SCFD2: variants seen among roughly 807,000 people sequenced by gnomAD.
SCFD2 encodes the protein sec1 family domain containing 2.
Under a neutral mutation model 58.9 loss-of-function variants are expected in SCFD2, and 54 were observed. That is an observed-to-expected ratio of 0.92 (90% CI 0.74 to 1.15). SCFD2 has a LOEUF of 1.15. SCFD2 is among the 50% of genes most tolerant of loss of function. The pLI, the probability that SCFD2 is intolerant of heterozygous loss-of-function variation, is 0.00. For missense variants in SCFD2, 805 were observed against 836.6 expected (o/e 0.96, Z 0.47); for synonymous variants, 321 against 335.9 (o/e 0.96, Z 0.49).
chr4:53,015,939 T>C (rs779127665), intron 5 of SCFD2, among the ~76,000 whole-genome samples: 4 of 152,176 alleles, frequency 2.6e-5, no homozygotes, highest in Non-Finnish European at 5.9e-5. Context: ...AGGCAGATGT[T>C]TGTCCTGTAC....
intron 4 of SCFD2, among the ~76,000 whole-genome samples, chr4:53,246,188 A>T (rs34690074): frequency 0.45 from 68,699 of 151,972 alleles, 16,548 homozygotes; most frequent in Admixed American, 0.53. Flanking sequence ...GCTCAAAAAA[A>T]TCAGAGATGG....
At chr4:53,359,341 G>A (rs1461016434) in intron 1 of SCFD2, among the ~76,000 whole-genome samples, 10 of 152,062 alleles carry the variant, frequency 6.6e-5, no homozygotes, top group African/African-American at 1.4e-4. Flanking sequence ...ATAAATTAAC[G>A]TCTAAATCAA....
chr4:53,240,722 A>G (rs2149024775), intron 4 of SCFD2, among the ~76,000 whole-genome samples: 1 of 152,396 alleles, frequency 6.6e-6, no homozygotes, highest in East Asian at 1.9e-4. Flanking sequence ...ACAAGTTAAG[A>G]AATAAAGCAA....
chr4:53,365,926 C>T lies in SCFD2; in HGVS notation c.16G>A (p.Val6Ile), dbSNP rs771691386. 5 of 1,538,944 alleles carry T rather than the reference C, an allele frequency of 3.2e-6. No homozygotes were observed. Among genetic ancestry groups the T allele is most frequent in the South Asian group, 2.4e-5 (2 of 82,634 alleles). MSASG[V>I]LSFTQQGWEQ... ...CATCCTTGCTGGGTAAAGGACAGTA[C>T]GCCCGAGGCGCTCATGGTTGGGGAT... Residue 6 changes from valine to isoleucine, a missense_variant, in exon 1 of 9, where the codon GTA becomes ATA. This residue lies in a region of SCFD2 where 155 missense variants were observed against 149.7 expected (regional missense o/e 1.04). Transcript: ENST00000401642. This position sits in a 1 kb window ranked among gnomAD's most constrained non-coding sequence, Gnocchi z 4.3.
At chr4:53,236,917 G>A (rs1447284267) in intron 4 of SCFD2, among the ~76,000 whole-genome samples, 2 of 151,744 alleles carry the variant, frequency 1.3e-5, no homozygotes, top group Admixed American at 6.6e-5. Flanking sequence ...TAGGACAATA[G>A]TGGAGGGAAG....
intron 5 of SCFD2, among the ~76,000 whole-genome samples, chr4:53,044,726 A>G (rs1312512356): frequency 2.0e-5 from 3 of 151,886 alleles, no homozygotes; most frequent in Admixed American, 1.3e-4. Flanking sequence ...TTTAAAAAAA[A>G]TCATATAGCT....
chr4:52,907,702 G>A, intron 6 of SCFD2, 111 bp from the exon 7 acceptor site: 2 of 882,990 alleles, frequency 2.3e-6, no homozygotes, highest in Non-Finnish European at 3.6e-6. Flanking sequence ...ACTGAGCAAT[G>A]CCTATATGTG....
intron 3 of SCFD2, among the ~76,000 whole-genome samples, chr4:53,299,256 T>A (rs1350922082): frequency 6.6e-6 from 1 of 152,196 alleles, no homozygotes; most frequent in Non-Finnish European, 1.5e-5. Context: ...TTAAAGGACC[T>A]GATGGAGCTG....
intron 5 of SCFD2, among the ~76,000 whole-genome samples, chr4:52,993,698 G>A (rs1721675223): frequency 6.6e-6 from 1 of 152,194 alleles, no homozygotes; most frequent in South Asian, 2.1e-4. Context: ...TGGCAATATT[G>A]CTGGATTTCC....
Position 53,258,538 on chromosome 4 carries a change from GTATATATATATATATATA to G in SCFD2, c.1311+15270_1311+15287del, listed in dbSNP as rs59321045. On this transcript the variant is annotated intron_variant, in intron 4 of 8. Transcript: ENST00000401642. Reference sequence around the variant, plus strand: ...CTAAGTCGTATTCCATGGTGTGTGTGTATATATATATATATATATATATATATATATATATATATACAC... The same window carrying G: ...CTAAGTCGTATTCCATGGTGTGTGTGTATATATATATATATATATATACAC... 3.6e-3 allele frequency among the ~76,000 whole-genome samples: 431 copies of G among 119,704 alleles called. 2 individuals carry two copies. Among genetic ancestry groups the G allele is most frequent in the Middle Eastern group, 0.013 (3 of 240 alleles). 78.5% of individuals were successfully genotyped at this position (119,704 alleles called of 152,430 possible).
At chr4:52,973,007 C>T (rs1445034159) in intron 5 of SCFD2, among the ~76,000 whole-genome samples, 5 of 152,216 alleles carry the variant, frequency 3.3e-5, no homozygotes, top group African/African-American at 4.8e-5. Flanking sequence ...CTCTGGGACA[C>T]ATTCAAAGCA....
At chr4:53,158,001 C>T (rs542024775) in intron 4 of SCFD2, among the ~76,000 whole-genome samples, 125 of 149,766 alleles carry the variant, frequency 8.3e-4, no homozygotes, top group Non-Finnish European at 1.5e-3. Flanking sequence ...AAAGATTCTG[C>T]ACTTCTAAAA....
At chr4:53,326,517 CA>C (rs796323723) in intron 2 of SCFD2, among the ~76,000 whole-genome samples, 78 of 152,058 alleles carry the variant, frequency 5.1e-4, no homozygotes, top group African/African-American at 1.7e-3. Flanking sequence ...AAAAAATCTA[CA>C]AAAAGTCTAC....
At chr4:52,926,220 G>T (rs1719859760) in intron 5 of SCFD2, among the ~76,000 whole-genome samples, 1 of 152,032 alleles carries the variant, frequency 6.6e-6, no homozygotes. Flanking sequence ...CAGTCTTGAA[G>T]CTTGCTGGTG....
chr4:52,928,697 T>C (rs985492873), intron 5 of SCFD2, among the ~76,000 whole-genome samples: 4 of 152,150 alleles, frequency 2.6e-5, no homozygotes, highest in African/African-American at 7.2e-5. Context: ...CCTATTGTTA[T>C]TGCAGTCTGC....
At chr4:52,916,806 A>C (rs1719621881) in intron 6 of SCFD2, among the ~76,000 whole-genome samples, 1 of 152,204 alleles carries the variant, frequency 6.6e-6, no homozygotes, top group Non-Finnish European at 1.5e-5. Flanking sequence ...AAAGAAGACA[A>C]AGGAAGGCCT....
intron 5 of SCFD2, among the ~76,000 whole-genome samples, chr4:53,055,598 T>C (rs1308145952): frequency 6.6e-6 from 1 of 151,774 alleles, no homozygotes; most frequent in African/African-American, 2.4e-5. Context: ...AACCCACAGG[T>C]TGACAGATCT....
rs1368665646 is a variant in SCFD2, at chr4:53,067,743, C to A, written c.1561+77590G>T. On this transcript the variant is annotated intron_variant, in intron 5 of 8. Transcript: ENST00000401642. ...CATGCTGAACTGTGAGTCAATTAAA[C>A]CTCTTTTGTTTCTTGGGTATGTCTT... Among the ~76,000 whole-genome samples, 4 of 152,070 alleles carry A rather than the reference C, an allele frequency of 2.6e-5. No homozygotes were observed. In the East Asian group the frequency reaches 5.8e-4, roughly 22 times the overall value.
At chr4:53,089,345 T>C (rs1442671343) in intron 5 of SCFD2, among the ~76,000 whole-genome samples, 1 of 152,178 alleles carries the variant, frequency 6.6e-6, no homozygotes, top group Non-Finnish European at 1.5e-5. Flanking sequence ...GCCTTTTCGC[T>C]TTATTGCTAG....
Sources: allele counts gnomAD v4.1 joint callset (sites outside exome capture counted in the v4.1 genomes callset), GRCh38; gene constraint gnomAD v4.1.1; regional missense constraint gnomAD v4.1.1; non-coding constraint Gnocchi (gnomAD v3.1); transcripts MANE v1.5; gene names NCBI Gene and HGNC (gene_info 2026-07-23, HGNC 2026-07-21).